The following PCLO variants were observed in gnomAD, a reference collection of about 807,000 sequenced individuals.
PCLO encodes the protein piccolo presynaptic cytomatrix protein.
A neutral mutation model predicts 427.5 loss-of-function variants in PCLO; 82 were observed. The ratio of observed to expected loss-of-function variants is 0.19; its 90% CI spans 0.16 to 0.23. The LOEUF (loss-of-function observed/expected upper bound fraction) is 0.23, where lower values mean the gene tolerates loss of function less well. PCLO is among the 10% of genes least tolerant of loss of function. PCLO has a pLI of 1.00. For synonymous variants in PCLO, 2,357 were observed against 2,155.4 expected, an observed-to-expected ratio of 1.09 and a Z score of -2.59; for missense variants, 6,239 against 6,115.9, an observed-to-expected ratio of 1.02 and a Z score of -0.67.
chr7:83,154,843 G>C lies in PCLO; in HGVS notation c.1798C>G (p.His600Asp). The change falls in exon 2 of 25, where the codon CAT (histidine) becomes GAT (aspartate). Residue 600 changes from histidine (H) to aspartate (D), a missense_variant. By Grantham distance (81) the His-to-Asp change is moderately conservative (BLOSUM62 -1). Around this residue, in one of 5 missense-constraint regions of PCLO, gnomAD observed 4,677 missense variants for 4,468.4 expected, o/e 1.05. Coordinates refer to ENST00000333891, the MANE Select transcript of PCLO (RefSeq NM_033026.6). The stretch of plus-strand genomic sequence containing the variant: ...TTAAAATTGGCCTTTTCTGGAACAT[G>C]CAACAGAAGTTCAGTGGTATTGCAA... ...PLCNTTELLL[H>D]VPEKANFNTC... is the part of the protein sequence containing the mutation. The C allele has an allele frequency of 6.2e-7, 1 of 1,613,956 alleles. No individual in the cohort carries two copies. Among genetic ancestry groups the C allele is most frequent in the African/African-American group, 1.3e-5 (1 of 75,048 alleles).
intron 20 of PCLO, among the ~76,000 whole-genome samples, chr7:82,816,373 G>T (rs1447020386): frequency 6.6e-6 from 1 of 151,946 alleles, no homozygotes; most frequent in Non-Finnish European, 1.5e-5. Context: ...TGAGAAAGTT[G>T]CCTGCCCCAT....
intron 3 of PCLO, among the ~76,000 whole-genome samples, chr7:83,120,402 G>GAAAA (rs35143407): frequency 0.021 from 1,655 of 80,688 alleles, 70 homozygotes; most frequent in African/African-American, 0.034. Context: ...CTCTGCCTCA[G>GAAAA]AAAAAAAAAA....
At chr7:83,057,239 T>C (rs1789403392) in intron 3 of PCLO, among the ~76,000 whole-genome samples, 1 of 136,036 alleles carries the variant, frequency 7.4e-6, no homozygotes, top group Non-Finnish European at 1.5e-5. Flanking sequence ...GAGACAGGGG[T>C]CTCACCATGT....
At chr7:83,083,862 G>A (rs1042167004) in intron 3 of PCLO, among the ~76,000 whole-genome samples, 32 of 152,046 alleles carry the variant, frequency 2.1e-4, no homozygotes, top group Admixed American at 1.8e-3. Context: ...TCTTTTAAAG[G>A]AGCTAATACA....
At chr7:82,778,118 C>A (rs560140328) in intron 22 of PCLO, among the ~76,000 whole-genome samples, 4 of 151,964 alleles carry the variant, frequency 2.6e-5, no homozygotes, top group African/African-American at 9.7e-5. Context: ...CATGAACAGA[C>A]ACATTTCAAA....
chr7:82,985,491 AT>A (rs1035860552), intron 3 of PCLO, among the ~76,000 whole-genome samples: 1 of 151,960 alleles, frequency 6.6e-6, no homozygotes, highest in Admixed American at 6.6e-5. Flanking sequence ...TAGCACTGAT[AT>A]TTTTTATATT....
chr7:83,000,048 AAAAC>A (rs1787777784), intron 3 of PCLO, among the ~76,000 whole-genome samples: 1 of 79,908 alleles, frequency 1.3e-5, no homozygotes, highest in African/African-American at 8.0e-5. Flanking sequence ...CAAAAAACAA[AAAAC>A]AAACAAAAAA....
At chr7:83,106,920 T>C (rs1351767298) in intron 3 of PCLO, among the ~76,000 whole-genome samples, 1 of 151,770 alleles carries the variant, frequency 6.6e-6, no homozygotes, top group Non-Finnish European at 1.5e-5. Flanking sequence ...TATTTAATTT[T>C]ATTTAATCAA....
chr7:82,755,137 TATA>T lies in PCLO; in HGVS notation c.*3435_*3437del, dbSNP rs1431202208. On this transcript the variant is annotated 3_prime_UTR_variant, in exon 25 of 25. Transcript: ENST00000333891. ...CCACCACTATCATTACAGTCATTCC[TATA>T]ATAAGAATCAATATCAGCTGGTTAC... is the stretch of plus-strand genomic sequence containing the variant. 2 of 152,120 alleles carry T rather than the reference TATA, an allele frequency of 1.3e-5. No homozygotes were observed. The highest frequency in any genetic ancestry group is 6.6e-5 in the Admixed American group (1 of 15,254). The allele number at this position is 152,120 out of a possible 1,614,324, so 9.4% of individuals were successfully genotyped here.
intron 10 of PCLO, among the ~76,000 whole-genome samples, chr7:82,877,788 C>T (rs1793408711): frequency 6.6e-6 from 1 of 152,144 alleles, no homozygotes; most frequent in Admixed American, 6.6e-5. Context: ...GCCTCAGCCT[C>T]CCGAATAGCT....
rs560874136 is a variant in PCLO, at chr7:82,755,618, G to A, written c.*2957C>T. 9 of 152,038 alleles carry A rather than the reference G, an allele frequency of 5.9e-5. No homozygotes were observed. Among genetic ancestry groups the A allele is most frequent in the Non-Finnish European group, 7.4e-5 (5 of 67,984 alleles). The allele number at this position is 152,038 out of a possible 1,614,324, so 9.4% of individuals were successfully genotyped here. A position where few individuals can be genotyped will look rare whatever the true frequency, so the allele number is the denominator to read the frequency against. ...AAAGTGCTGTAATTGGAGTAATTACGTATTATATAGAGATTACAAACTCTG... is the reference window on the plus strand; with the variant it reads ...AAAGTGCTGTAATTGGAGTAATTACATATTATATAGAGATTACAAACTCTG... On this transcript the variant is annotated 3_prime_UTR_variant, in exon 25 of 25. Coordinates refer to ENST00000333891, the MANE Select transcript of PCLO (RefSeq NM_033026.6).
rs1019592870 is a variant in PCLO, at chr7:83,103,537, C to G, written c.3300+30713G>C. On this transcript the variant is annotated intron_variant, in intron 3 of 24. Transcript: ENST00000333891. ...TGTATTCCAGTATTTAGGATATATACTATTATGAGTCTGTCAATTGTCTTA... is the reference window on the plus strand; with the variant it reads ...TGTATTCCAGTATTTAGGATATATAGTATTATGAGTCTGTCAATTGTCTTA... Among the ~76,000 whole-genome samples, 19 of 152,010 alleles carry G rather than the reference C, an allele frequency of 1.2e-4. 1 individual carries two copies. The highest frequency in any genetic ancestry group is 4.1e-4 in the African/African-American group (17 of 41,530).
chr7:83,047,653 G>T (rs547590152), intron 3 of PCLO, among the ~76,000 whole-genome samples: 1 of 152,024 alleles, frequency 6.6e-6, no homozygotes, highest in South Asian at 2.1e-4. Context: ...CTTACTGAGG[G>T]TTTACAATTC....
At position 82,967,300 on chromosome 7, in the gene PCLO, T is replaced by A. The variant is rs574063584; in HGVS notation, c.3301-813A>T. 2.0e-5 allele frequency among the ~76,000 whole-genome samples: 3 copies of A among 150,322 alleles called. No individual in the cohort carries two copies. In the South Asian group the frequency reaches 6.4e-4, roughly 32 times the overall value. ...AAGCGATTCTCCTGCCTCAGCCTCC[T>A]GAGTACCTGGGATTCAGGCACGCGC... On this transcript the variant is annotated intron_variant, in intron 3 of 24. Transcript: ENST00000333891.
rs5885327 is a variant in PCLO at position 82,984,408 on chromosome 7, CTGTGTGTGTGTGTG to C, written c.3301-17935_3301-17922del. Among the ~76,000 whole-genome samples the C allele has an allele frequency of 1.1e-4, 15 of 135,938 alleles. No individual in the cohort carries two copies. The South Asian group carries it at 2.9e-3, about 26-fold the overall frequency. The allele number at this position is 135,938 out of a possible 152,430, so 89.2% of individuals were successfully genotyped here. On this transcript the variant is annotated intron_variant, in intron 3 of 24. Coordinates refer to ENST00000333891, the MANE Select transcript of PCLO (RefSeq NM_033026.6). ...CCTTAGTTTATTTCAAATGTGGTGT[CTGTGTGTGTGTGTG>C]TGTGTGTGTGTGTGTGTGTGTGTGT...
At chr7:83,140,462 C>G (rs1189789200) in intron 2 of PCLO, among the ~76,000 whole-genome samples, 1 of 152,110 alleles carries the variant, frequency 6.6e-6, no homozygotes, top group Non-Finnish European at 1.5e-5. Context: ...GCCTGTATCT[C>G]CCCAGACTCA....
intron 3 of PCLO, among the ~76,000 whole-genome samples, chr7:83,019,061 A>C: frequency 6.6e-6 from 1 of 152,076 alleles, no homozygotes; most frequent in East Asian, 1.9e-4. Context: ...CAAAGAAAGT[A>C]TAATTTATTA....
intron 6 of PCLO, among the ~76,000 whole-genome samples, chr7:82,947,871 GA>G (rs145937234): frequency 6.6e-6 from 1 of 152,044 alleles, no homozygotes; most frequent in Non-Finnish European, 1.5e-5. Context: ...ACTTTGTGAG[GA>G]AAAAAATATT....
chr7:83,035,929 C>T (rs1788783296), intron 3 of PCLO, among the ~76,000 whole-genome samples: 1 of 152,130 alleles, frequency 6.6e-6, no homozygotes, highest in Admixed American at 6.6e-5. Context: ...CACAAGCACT[C>T]TAGCTTGCTG....
Sources: allele counts gnomAD v4.1 joint callset (sites outside exome capture counted in the v4.1 genomes callset), GRCh38; gene constraint gnomAD v4.1.1; regional missense constraint gnomAD v4.1.1; transcripts MANE v1.5; gene names NCBI Gene and HGNC (gene_info 2026-07-23, HGNC 2026-07-21).